MRPL48: variants seen among roughly 807,000 people sequenced by gnomAD.
The protein encoded by MRPL48 is mitochondrial ribosomal protein L48, also known as large ribosomal subunit protein mL48.
Under a neutral mutation model 32.9 loss-of-function variants are expected in MRPL48, and 16 were observed. The observed-to-expected ratio is 0.49, with a 90% CI of 0.33 to 0.74. The LOEUF is 0.74. MRPL48 is among the 30% of genes least tolerant of loss of function. The pLI is 0.02. For missense variants in MRPL48, 206 were observed against 245.3 expected, an observed-to-expected ratio of 0.84 and a Z score of 1.07; for synonymous variants, 94 against 89.2, an observed-to-expected ratio of 1.05 and a Z score of -0.31.
intron 3 of MRPL48, among the ~76,000 whole-genome samples, chr11:73,821,613 C>G (rs1294175985): frequency 6.6e-6 from 1 of 152,190 alleles, no homozygotes; most frequent in African/African-American, 2.4e-5. Flanking sequence ...AGAACCCTTT[C>G]CTGGCACTCA....
intron 1 of MRPL48, among the ~76,000 whole-genome samples, chr11:73,793,546 G>A (rs1376639117): frequency 3.3e-5 from 5 of 152,180 alleles, no homozygotes; most frequent in Non-Finnish European, 5.9e-5. Context: ...TAAAGAGTAG[G>A]TAGGATTTAG....
chr11:73,850,244 T>C (rs763414794), intron 5 of MRPL48, among the ~76,000 whole-genome samples: 4 of 150,568 alleles, frequency 2.7e-5, no homozygotes, highest in African/African-American at 9.7e-5. Flanking sequence ...ATAACAAAAA[T>C]TTTTTTTTTA....
intron 5 of MRPL48, among the ~76,000 whole-genome samples, chr11:73,853,370 C>T (rs1275815651): frequency 6.6e-6 from 1 of 151,884 alleles, no homozygotes; most frequent in East Asian, 1.9e-4. Context: ...ATATATATAC[C>T]TGCTATGGAC....
chr11:73,817,852 T>G (rs1399080567), intron 3 of MRPL48: 5 of 387,232 alleles, frequency 1.3e-5, no homozygotes, highest in African/African-American at 2.1e-5. Context: ...TGGCCCAGGC[T>G]TGAGTACAGT....
chr11:73,850,196 C>CT (rs35291814), intron 5 of MRPL48, among the ~76,000 whole-genome samples: 88 of 140,116 alleles, frequency 6.3e-4, no homozygotes, highest in Middle Eastern at 7.4e-3. Context: ...ATTACACTTG[C>CT]TTTTTTTTTT....
intron 5 of MRPL48, among the ~76,000 whole-genome samples, chr11:73,849,621 GA>G (rs1420225945): frequency 6.6e-6 from 1 of 152,144 alleles, no homozygotes; most frequent in Non-Finnish European, 1.5e-5. Context: ...GCGTTTCATT[GA>G]AAGGATGTAC....
chr11:73,859,370 C>T (rs1948542847), intron 5 of MRPL48, among the ~76,000 whole-genome samples: 1 of 151,760 alleles, frequency 6.6e-6, no homozygotes, highest in African/African-American at 2.4e-5. Context: ...CATCCTTGAC[C>T]TCCTGTGTTC....
At chr11:73,829,383 T>C in intron 4 of MRPL48, among the ~76,000 whole-genome samples, 1 of 152,162 alleles carries the variant, frequency 6.6e-6, no homozygotes, top group East Asian at 1.9e-4. Flanking sequence ...TTTTTTAAAT[T>C]TGAGACATGG....
At chr11:73,794,329 C>T (rs750184369) in intron 1 of MRPL48, among the ~76,000 whole-genome samples, 2 of 151,800 alleles carry the variant, frequency 1.3e-5, no homozygotes, top group Admixed American at 6.6e-5. Context: ...GCTGAGGCAG[C>T]GGGATCTCCT....
intron 5 of MRPL48, among the ~76,000 whole-genome samples, chr11:73,852,518 T>G (rs907361615): frequency 6.6e-6 from 1 of 152,040 alleles, no homozygotes; most frequent in African/African-American, 2.4e-5. Context: ...TCAACATCAC[T>G]GATCGTCAGA....
At chr11:73,833,075 A>G (rs925570820) in intron 4 of MRPL48, among the ~76,000 whole-genome samples, 3 of 152,160 alleles carry the variant, frequency 2.0e-5, no homozygotes, top group African/African-American at 7.2e-5. Flanking sequence ...CAATTTTAAA[A>G]ACAAAAAAGA....
intron 5 of MRPL48, among the ~76,000 whole-genome samples, chr11:73,857,423 C>T (rs193095570): frequency 7.9e-5 from 12 of 151,592 alleles, no homozygotes; most frequent in South Asian, 2.1e-4. Context: ...TGAGCCACTG[C>T]GCCCGACCGA....
chr11:73,809,274 G>A (rs948816310), intron 3 of MRPL48, among the ~76,000 whole-genome samples: 2 of 152,050 alleles, frequency 1.3e-5, no homozygotes, highest in African/African-American at 2.4e-5. Flanking sequence ...TTGGGAGGCC[G>A]AGGAGGGCGG....
chr11:73,794,270 T>C (rs1947208574), intron 1 of MRPL48, among the ~76,000 whole-genome samples: 1 of 150,672 alleles, frequency 6.6e-6, no homozygotes, highest in Admixed American at 6.6e-5. Flanking sequence ...ATTAAATAAA[T>C]CAAGGCCGGG....
chr11:73,804,834 G>A (rs1489904176), intron 1 of MRPL48, among the ~76,000 whole-genome samples, 193 bp from the exon 2 acceptor site: 1 of 152,194 alleles, frequency 6.6e-6, no homozygotes, highest in African/African-American at 2.4e-5. Flanking sequence ...ATTTACTGTA[G>A]TGGGTGGAAT....
chr11:73,820,659 C>G (rs1022071704), intron 3 of MRPL48, among the ~76,000 whole-genome samples: 8 of 151,994 alleles, frequency 5.3e-5, no homozygotes, highest in African/African-American at 1.9e-4. Context: ...CCTGGAACAC[C>G]CATCCTCCAT....
chr11:73,831,003 G>A (rs1231451640), intron 4 of MRPL48, among the ~76,000 whole-genome samples: 1 of 151,710 alleles, frequency 6.6e-6, no homozygotes, highest in Non-Finnish European at 1.5e-5. Context: ...CCATGCCCAG[G>A]TAATTTTTGT....
intron 2 of MRPL48, among the ~76,000 whole-genome samples, chr11:73,807,940 C>A (rs991680296): frequency 2.0e-5 from 3 of 152,168 alleles, no homozygotes; most frequent in Non-Finnish European, 4.4e-5. Context: ...CGCCCGGCCA[C>A]TTCTTCGTTT....
At chr11:73,858,699 C>CT (rs752930530) in intron 5 of MRPL48, among the ~76,000 whole-genome samples, 5 of 152,172 alleles carry the variant, frequency 3.3e-5, no homozygotes, top group Non-Finnish European at 5.9e-5. Flanking sequence ...GTTTGATGAA[C>CT]TTTTTGATAA....
Sources: allele counts gnomAD v4.1 joint callset (sites outside exome capture counted in the v4.1 genomes callset), GRCh38; gene constraint gnomAD v4.1.1; transcripts MANE v1.5; gene names NCBI Gene and HGNC (gene_info 2026-07-23, HGNC 2026-07-21).